The following COL19A1 variants were observed in gnomAD, a reference collection of about 807,000 sequenced individuals.
COL19A1 encodes collagen type XIX alpha 1 chain, also known as collagen alpha-1(XIX) chain.
COL19A1 carries 159 observed loss-of-function variants against 190.2 expected under a neutral mutation model. That is an observed-to-expected ratio of 0.84 (90% CI 0.73 to 0.95). COL19A1 has a LOEUF of 0.95. Among genes scored for constraint, COL19A1 ranks in the 40% least tolerant of loss-of-function variants. The pLI, the probability that COL19A1 is intolerant of heterozygous loss-of-function variation, is 0.00. For synonymous variants in COL19A1, 509 were observed against 458.9 expected, an observed-to-expected ratio of 1.11 and a Z score of -1.39; for missense variants, 1,418 against 1,431.9, an observed-to-expected ratio of 0.99 and a Z score of 0.16.
At chr6:69,980,708 T>A (rs1775986286) in intron 11 of COL19A1, among the ~76,000 whole-genome samples, 1 of 152,162 alleles carries the variant, frequency 6.6e-6, no homozygotes, top group Admixed American at 6.5e-5. Flanking sequence ...ATGGACAAAA[T>A]GTGTGAATAG....
At chr6:70,033,505 T>G (rs1376022214) in intron 12 of COL19A1, among the ~76,000 whole-genome samples, 2 of 152,136 alleles carry the variant, frequency 1.3e-5, no homozygotes, top group Admixed American at 1.3e-4. Flanking sequence ...ACGTACACTG[T>G]GAATTCATGC....
chr6:70,145,667 C>T (rs150545393), intron 25 of COL19A1, among the ~76,000 whole-genome samples: 1,746 of 151,086 alleles, frequency 0.012, 27 homozygotes, highest in Middle Eastern at 0.077. Context: ...TACCCCTGAA[C>T]CTAAAATAAA....
At chr6:70,029,555 C>T (rs1483221320) in intron 12 of COL19A1, among the ~76,000 whole-genome samples, 1 of 152,102 alleles carries the variant, frequency 6.6e-6, no homozygotes, top group Non-Finnish European at 1.5e-5. Flanking sequence ...TGTCCTTTCT[C>T]CCTAGCACTC....
At chr6:69,926,362 A>G (rs139756828) in intron 4 of COL19A1, among the ~76,000 whole-genome samples, 2 of 152,296 alleles carry the variant, frequency 1.3e-5, no homozygotes, top group African/African-American at 4.8e-5. Flanking sequence ...GCTATTTTAA[A>G]TATACTTAAG....
At position 70,212,250 on chromosome 6, in the gene COL19A1, T is replaced by TA. The variant is rs1210364113; in HGVS notation, c.*4977dup. ...CAACTATTTATTTTTAAATAACATT[T>TA]AGGGTGTGTTTTCCCCCATTTTGTT... On this transcript the variant is annotated 3_prime_UTR_variant, in exon 51 of 51. Coordinates refer to ENST00000620364, the MANE Select transcript of COL19A1 (RefSeq NM_001858.6). Among the ~76,000 whole-genome samples the TA allele has an allele frequency of 3.3e-5, 5 of 152,228 alleles. No homozygotes were observed. Among genetic ancestry groups the TA allele is most frequent in the Non-Finnish European group, 5.9e-5 (4 of 68,036 alleles).
At chr6:70,023,500 A>G in intron 11 of COL19A1, 127 bp from the exon 12 acceptor site, 1 of 695,630 alleles carries the variant, frequency 1.4e-6, no homozygotes, top group Non-Finnish European at 2.3e-6. Flanking sequence ...TTTTTAATAA[A>G]CGTGCCTTTC....
intron 14 of COL19A1, among the ~76,000 whole-genome samples, chr6:70,053,117 C>T (rs1780299215): frequency 6.6e-6 from 1 of 152,192 alleles, no homozygotes; most frequent in South Asian, 2.1e-4. Flanking sequence ...CCACATTTTG[C>T]TTCTGTGCAA....
chr6:69,872,743 G>T (rs1300599428), intron 1 of COL19A1, among the ~76,000 whole-genome samples: 1 of 152,174 alleles, frequency 6.6e-6, no homozygotes, highest in Admixed American at 6.5e-5. Flanking sequence ...ATATTACAGG[G>T]ACGGCTGTCT....
chr6:70,202,011 C>T (rs6909142), intron 49 of COL19A1, among the ~76,000 whole-genome samples: 107,293 of 152,044 alleles, frequency 0.71, 38,108 homozygotes, highest in South Asian at 0.78. Flanking sequence ...GTGTTTTTTT[C>T]CAAAAAGGAA....
At chr6:69,930,779 A>G (rs1772709005) in intron 6 of COL19A1, among the ~76,000 whole-genome samples, 1 of 152,222 alleles carries the variant, frequency 6.6e-6, no homozygotes, top group Admixed American at 6.5e-5. Flanking sequence ...AGCTTGAGCG[A>G]CAGAGCAAGA....
chr6:69,968,851 A>G (rs929207776), intron 11 of COL19A1, among the ~76,000 whole-genome samples: 5 of 152,170 alleles, frequency 3.3e-5, no homozygotes, highest in African/African-American at 1.2e-4. Flanking sequence ...CAGCATCTAG[A>G]TCACTCAACA....
intron 11 of COL19A1, among the ~76,000 whole-genome samples, chr6:69,969,555 AACAAT>A (rs1161153331): frequency 2.6e-5 from 4 of 152,364 alleles, no homozygotes; most frequent in African/African-American, 9.6e-5. Context: ...AATTAAAAAT[AACAAT>A]ACAACAATAA....
intron 11 of COL19A1, among the ~76,000 whole-genome samples, chr6:69,984,868 A>G (rs911734989): frequency 6.6e-6 from 1 of 152,170 alleles, no homozygotes; most frequent in African/African-American, 2.4e-5. Context: ...GAGTTATCTG[A>G]GATTAGCCAG....
intron 14 of COL19A1, among the ~76,000 whole-genome samples, chr6:70,045,465 TATGA>T (rs1779859981): frequency 6.6e-6 from 1 of 152,182 alleles, no homozygotes. Context: ...TTTTGGATAC[TATGA>T]ATGGTAAGTT....
intron 15 of COL19A1, among the ~76,000 whole-genome samples, chr6:70,075,939 T>G (rs556479985): frequency 6.6e-6 from 1 of 152,310 alleles, no homozygotes; most frequent in African/African-American, 2.4e-5. Flanking sequence ...TTTATATGGA[T>G]TAGTAAAGGA....
At chr6:69,976,621 A>G (rs1775729097) in intron 11 of COL19A1, among the ~76,000 whole-genome samples, 1 of 152,190 alleles carries the variant, frequency 6.6e-6, no homozygotes, top group Non-Finnish European at 1.5e-5. Flanking sequence ...AAGCATAGGT[A>G]AGAGTTCTCC....
At chr6:70,063,325 A>T (rs556383427) in intron 14 of COL19A1, among the ~76,000 whole-genome samples, 162 of 148,642 alleles carry the variant, frequency 1.1e-3, no homozygotes, top group Non-Finnish European at 2.0e-3. Context: ...GGATTAAGAA[A>T]CTCACTCAAA....
At chr6:70,099,056 T>TAA (rs5877239) in intron 15 of COL19A1, among the ~76,000 whole-genome samples, 1,268 of 75,874 alleles carry the variant, frequency 0.017, 19 homozygotes, top group African/African-American at 0.06. Flanking sequence ...ACCCTGTCTC[T>TAA]AAAAAAAAAA....
rs200684298 is a variant in COL19A1, at chr6:70,142,832, G to A, written c.1626+12G>A. ...CGCCAGGAGATGTTGTATGTATAAT[G>A]TCTTTGATATTTCTGGAATTGAAAT... On this transcript the variant is annotated intron_variant, in intron 23 of 50. Transcript: ENST00000620364. 5 of 1,607,948 alleles carry A rather than the reference G, an allele frequency of 3.1e-6. No individual in the cohort carries two copies. The African/African-American group carries it at 6.7e-5, about 22-fold the overall frequency.
Sources: allele counts gnomAD v4.1 joint callset (sites outside exome capture counted in the v4.1 genomes callset), GRCh38; gene constraint gnomAD v4.1.1; transcripts MANE v1.5; gene names NCBI Gene and HGNC (gene_info 2026-07-23, HGNC 2026-07-21).